Variants in IRAG2 observed in about 807,000 individuals in gnomAD.
IRAG2 encodes inositol 1,4,5-triphosphate receptor associated 2.
A neutral mutation model predicts 69.9 loss-of-function variants in IRAG2; 45 were observed. The observed-to-expected ratio is 0.64, with a 90% confidence interval of 0.51 to 0.83. The LOEUF (loss-of-function observed/expected upper bound fraction) is 0.83. Ranked by LOEUF, IRAG2 falls within the 40% of genes least tolerant of loss-of-function variation. The probability of loss-of-function intolerance (pLI) is 0.00; values close to 1 mark genes in which losing one functional copy is unlikely to be tolerated. For synonymous variants in IRAG2, 193 were observed against 202.4 expected, an observed-to-expected ratio of 0.95 and a Z score of 0.40; for missense variants, 520 against 587.0, an observed-to-expected ratio of 0.89 and a Z score of 1.18.
At chr12:25,005,645 C>T (rs929050452) in intron 2 of IRAG2, among the ~76,000 whole-genome samples, 1 of 152,128 alleles carries the variant, frequency 6.6e-6, no homozygotes, top group Non-Finnish European at 1.5e-5. Context: ...ACTTACATGT[C>T]GTAGGTGGCG....
At chr12:25,034,387 C>T (rs181022909) in intron 13 of IRAG2, among the ~76,000 whole-genome samples, 1 of 152,230 alleles carries the variant, frequency 6.6e-6, no homozygotes, top group East Asian at 1.9e-4. Flanking sequence ...ATTGTATCAG[C>T]CCAAATTAAT....
intron 2 of IRAG2, among the ~76,000 whole-genome samples, chr12:25,009,421 TG>T (rs1438995863): frequency 7.9e-5 from 12 of 152,360 alleles, no homozygotes; most frequent in African/African-American, 2.6e-4. Context: ...GGGGCTTATT[TG>T]TTCCCAGAGA....
At chr12:25,026,830 G>T in exon 9 of IRAG2, 1 of 1,229,864 alleles carries the variant, frequency 8.1e-7, no homozygotes, top group Non-Finnish European at 1.0e-6. Context: ...TGGAAAAGAA[G>T]ATTGAAGACT....
intron 2 of IRAG2, among the ~76,000 whole-genome samples, chr12:25,007,209 C>T (rs1407218984): frequency 6.6e-6 from 1 of 152,162 alleles, no homozygotes; most frequent in African/African-American, 2.4e-5. Context: ...TGAGGCAAAT[C>T]GCAGAGATCA....
At chr12:25,105,648 A>T (rs1233575815) in intron 20 of IRAG2, among the ~76,000 whole-genome samples, 2 of 151,866 alleles carry the variant, frequency 1.3e-5, no homozygotes, top group Admixed American at 6.6e-5. Flanking sequence ...TGGAAAAAAA[A>T]ATCAGTTCAA....
At position 25,062,908 on chromosome 12, in the gene IRAG2, C is replaced by A; in HGVS notation, c.-304+8C>A. The A allele has an allele frequency of 5.0e-6, 2 of 398,900 alleles. No homozygotes were observed. Among genetic ancestry groups the A allele is most frequent in the Non-Finnish European group, 8.9e-6 (2 of 225,986 alleles). The allele number at this position is 398,900 out of a possible 1,614,324, so 24.7% of individuals were successfully genotyped here. A position where few individuals can be genotyped will look rare whatever the true frequency, so the allele number is the denominator to read the frequency against. On this transcript the variant is annotated splice_region_variant and intron_variant, in intron 3 of 21. Coordinates refer to ENST00000556887, the MANE Select transcript of IRAG2 (RefSeq NM_001366544.2). ...CCTCTTCAAGAAAAATTGGTAATTG[C>A]GAGCTTTTTGAAATTATTTAGGTAG... is the stretch of plus-strand genomic sequence containing the variant.
rs1497258 is a variant in IRAG2, at chr12:25,052,787, T to C, written c.-616T>C. On this transcript the variant is annotated 5_prime_UTR_variant, in exon 1 of 22. An upstream start codon of the reference 5' UTR is lost. Transcript: ENST00000556887. ...GCTACAATCCAGCACTAACTATCCA[T>C]GTCCAGGGTAAGGATCGAGATCGAG... The C allele has an allele frequency of 0.018, 6,982 of 398,582 alleles. 142 individuals carry two copies. Among genetic ancestry groups the C allele is most frequent in the African/African-American group, 0.059 (2,857 of 48,732 alleles). The allele number at this position is 398,582 out of a possible 1,614,324, so 24.7% of individuals were successfully genotyped here.
intron 9 of IRAG2, among the ~76,000 whole-genome samples, chr12:25,029,360 A>G (rs1229363099): frequency 1.3e-5 from 2 of 152,174 alleles, no homozygotes; most frequent in African/African-American, 4.8e-5. Context: ...AAATTTTATA[A>G]CCTCAGGCAA....
Position 25,101,496 on chromosome 12 carries a change from T to C in IRAG2, c.889+171T>C, listed in dbSNP as rs151144995. Among the ~76,000 whole-genome samples the C allele has an allele frequency of 2.3e-3, 358 of 152,356 alleles. 2 individuals are homozygous for C. The highest frequency in any genetic ancestry group is 8.2e-3 in the African/African-American group (342 of 41,590). Reference sequence around the variant, plus strand: ...TAAAAGTGAGGTGTCAGAAAACAGGTTGGGACACATGAAGGATTCTTTAGT... The same window carrying C: ...TAAAAGTGAGGTGTCAGAAAACAGGCTGGGACACATGAAGGATTCTTTAGT... On this transcript the variant is annotated intron_variant, in intron 16 of 21. Coordinates refer to ENST00000556887, the MANE Select transcript of IRAG2 (RefSeq NM_001366544.2).
intron 10 of IRAG2, among the ~76,000 whole-genome samples, chr12:25,086,956 T>C (rs1947648407): frequency 6.6e-6 from 1 of 152,068 alleles, no homozygotes; most frequent in Admixed American, 6.6e-5. Flanking sequence ...AAGCCTAACA[T>C]AACACTGTCT....
intron 1 of IRAG2, among the ~76,000 whole-genome samples, chr12:25,056,117 A>G (rs1354256777): frequency 6.6e-6 from 1 of 152,074 alleles, no homozygotes; most frequent in African/African-American, 2.4e-5. Flanking sequence ...CACTGCAAAC[A>G]CTCTTTTAGC....
At chr12:25,037,591 T>C (rs1232527738) in intron 15 of IRAG2, among the ~76,000 whole-genome samples, 1 of 152,154 alleles carries the variant, frequency 6.6e-6, no homozygotes, top group African/African-American at 2.4e-5. Context: ...TCTAATTTTT[T>C]TAAGATTACA....
intron 10 of IRAG2, among the ~76,000 whole-genome samples, chr12:25,086,358 G>A (rs142611163): frequency 1.3e-5 from 2 of 152,320 alleles, no homozygotes; most frequent in Non-Finnish European, 2.9e-5. Context: ...TAGGGAAGGA[G>A]GAAGGAGAGT....
At chr12:25,046,489 T>C (rs1342007244) in intron 16 of IRAG2, among the ~76,000 whole-genome samples, 2 of 152,172 alleles carry the variant, frequency 1.3e-5, no homozygotes, top group African/African-American at 4.8e-5. Context: ...TAAAATTTAG[T>C]AAAGTTGCAT....
At chr12:25,039,423 G>T (rs1050009156) in intron 16 of IRAG2, among the ~76,000 whole-genome samples, 15 of 152,134 alleles carry the variant, frequency 9.9e-5, no homozygotes, top group African/African-American at 3.6e-4. Context: ...TCCACAAAAG[G>T]CAGCGTCAAC....
At chr12:25,077,792 A>G (rs1321923763) in intron 6 of IRAG2, among the ~76,000 whole-genome samples, 1 of 152,204 alleles carries the variant, frequency 6.6e-6, no homozygotes, top group African/African-American at 2.4e-5. Flanking sequence ...ACTGACCCAA[A>G]GTCACTTAAG....
At chr12:25,016,643 G>T (rs1225254310) in intron 5 of IRAG2, among the ~76,000 whole-genome samples, 1 of 151,862 alleles carries the variant, frequency 6.6e-6, no homozygotes. Context: ...CATGCCTGTA[G>T]TCCCAGCTAC....
chr12:25,027,716 T>C (rs777167261), intron 9 of IRAG2, among the ~76,000 whole-genome samples: 6 of 152,162 alleles, frequency 3.9e-5, no homozygotes, highest in Non-Finnish European at 8.8e-5. Flanking sequence ...TTTTTATGGC[T>C]GGATAATATT....
chr12:25,012,550 G>A (rs577759372), intron 3 of IRAG2, among the ~76,000 whole-genome samples: 12 of 152,054 alleles, frequency 7.9e-5, no homozygotes, highest in Non-Finnish European at 1.3e-4. Context: ...AATGTTGACA[G>A]GGCGCGATGG....
Sources: gnomAD v4.1 joint callset for allele counts (sites outside exome capture counted in the v4.1 genomes callset) on GRCh38, gnomAD v4.1.1 for gene constraint, MANE v1.5 for transcripts, NCBI Gene and HGNC (gene_info 2026-07-23, HGNC 2026-07-21) for gene names.